SLC26A5: variants seen among roughly 807,000 people sequenced by gnomAD.
The protein encoded by SLC26A5 is solute carrier family 26 member 5.
Under a neutral mutation model 81.0 loss-of-function variants are expected in SLC26A5, and 51 were observed. The ratio of observed to expected loss-of-function variants is 0.63; its 90% confidence interval spans 0.50 to 0.80. SLC26A5 has a LOEUF of 0.80. SLC26A5 is among the 30% of genes least tolerant of loss of function. The pLI is 0.00. For synonymous variants in SLC26A5, 325 were observed against 332.8 expected (o/e 0.98, Z 0.25); for missense variants, 771 against 905.8 (o/e 0.85, Z 1.91).
At chr7:103,409,189 T>TA (rs1450931587) in intron 7 of SLC26A5, among the ~76,000 whole-genome samples, 1 of 152,234 alleles carries the variant, frequency 6.6e-6, no homozygotes, top group African/African-American at 2.4e-5. Flanking sequence ...TGTATGCGAT[T>TA]AATGGTTTAC....
intron 8 of SLC26A5, among the ~76,000 whole-genome samples, chr7:103,405,398 C>T (rs1161601577): frequency 6.6e-6 from 1 of 152,196 alleles, no homozygotes; most frequent in South Asian, 2.1e-4. Flanking sequence ...GATGTTGATG[C>T]TATTCCTTTC....
At chr7:103,371,843 G>A (rs952023297), downstream of SLC26A5, among the ~76,000 whole-genome samples, 12 of 151,392 alleles carry the variant, frequency 7.9e-5, no homozygotes, top group Non-Finnish European at 1.2e-4. Context: ...CTACAGGTGC[G>A]CGCCACCATG....
rs1355851089 is a variant in SLC26A5 at position 103,412,996 on chromosome 7, T to C, written c.403+6A>G. On this transcript the variant is annotated splice_donor_region_variant and intron_variant, in intron 5 of 19. Coordinates refer to ENST00000306312, the MANE Select transcript of SLC26A5 (RefSeq NM_198999.3). ...AGGTAATAGAATATCAAATGTAAGC[T>C]TTTACCTATGGATATGTGTCTGGAG... The C allele has an allele frequency of 1.3e-6, 2 of 1,571,370 alleles. No individual in the cohort carries two copies. Among genetic ancestry groups the C allele is most frequent in the Admixed American group, 3.3e-5 (2 of 59,962 alleles).
chr7:103,422,986 G>A (rs747089685), intron 2 of SLC26A5, among the ~76,000 whole-genome samples: 8 of 140,342 alleles, frequency 5.7e-5, no homozygotes, highest in Non-Finnish European at 8.9e-5. Context: ...TCAAGGCCAG[G>A]CATGGAGGCT....
downstream of SLC26A5, among the ~76,000 whole-genome samples, chr7:103,371,259 C>T (rs1821013404): frequency 6.6e-6 from 1 of 151,904 alleles, no homozygotes; most frequent in Non-Finnish European, 1.5e-5. Context: ...CTATTCAAAA[C>T]AGTTTAAAAG....
chr7:103,434,518 C>T (rs566118049), intron 2 of SLC26A5, among the ~76,000 whole-genome samples: 13 of 152,098 alleles, frequency 8.5e-5, no homozygotes, highest in Non-Finnish European at 1.6e-4. Context: ...AATTTCTTAC[C>T]TTTTATTTTC....
At position 103,376,827 on chromosome 7, in the gene SLC26A5, T is replaced by G; in HGVS notation, c.2022A>C (p.Val674=). ...VKEYGDVGIY[V]YLAGCSAQVV... is the part of the protein sequence containing the mutation. Reference sequence around the variant, plus strand: ...ACTCACCACTGCATCCTGCTAAGTATACATATATACCGACGTCTCCATATT... The same window carrying G: ...ACTCACCACTGCATCCTGCTAAGTAGACATATATACCGACGTCTCCATATT... Residue 674 remains valine (V), a synonymous_variant, in exon 19 of 20, where the codon GTA becomes GTC. Coordinates refer to ENST00000306312, the MANE Select transcript of SLC26A5 (RefSeq NM_198999.3). 1 of 1,605,112 alleles carries G rather than the reference T, an allele frequency of 6.2e-7. No homozygotes were observed. Among genetic ancestry groups the G allele is most frequent in the Non-Finnish European group, 8.5e-7 (1 of 1,172,186 alleles).
intron 18 of SLC26A5, 31 bp from the exon 19 acceptor site, chr7:103,376,893 C>T (rs754319591): frequency 7.0e-7 from 1 of 1,438,244 alleles, no homozygotes; most frequent in Admixed American, 1.7e-5. Context: ...AATTTAGTTT[C>T]TCTTTACTCT....
At chr7:103,393,663 ACCTGGGAAT>A (rs965347910) in intron 9 of SLC26A5, among the ~76,000 whole-genome samples, 1 of 151,898 alleles carries the variant, frequency 6.6e-6, no homozygotes, top group Non-Finnish European at 1.5e-5. Context: ...CTTGGGTGTC[ACCTGGGAAT>A]CTTGTGAATC....
At chr7:103,352,892 A>G (rs760419746) in exon 20 of SLC26A5, 8 of 780,814 alleles carry the variant, frequency 1.0e-5, no homozygotes, top group African/African-American at 8.5e-5. Context: ...CATTTCCCCT[A>G]CGGTCTCCAT....
chr7:103,386,798 T>G (rs1327720103), intron 14 of SLC26A5, among the ~76,000 whole-genome samples: 1 of 152,078 alleles, frequency 6.6e-6, no homozygotes, highest in African/African-American at 2.4e-5. Context: ...TGTGTCACTC[T>G]GTCGCCCAGG....
intron 13 of SLC26A5, 67 bp downstream of exon 13, chr7:103,389,262 A>G: frequency 7.5e-7 from 1 of 1,332,692 alleles, no homozygotes; most frequent in Middle Eastern, 1.8e-4. Flanking sequence ...TCTTTCTCAC[A>G]TTTTTCTTAG....
In SLC26A5 at chr7:103,374,457, G is replaced by C; in HGVS notation, c.2177C>G (p.Ala726Gly). 1 of 1,613,146 alleles carries C rather than the reference G, an allele frequency of 6.2e-7. No individual in the cohort carries two copies. ...CTCCAAGTCCTCCTGGGAAGGGGGA[G>C]CCGAGGCTTCCTGTTCAGCAAGTGC... ...REALAEQEAS[A>G]PPSQEDLEPN... Residue 726 changes from alanine (A) to glycine (G), a missense_variant, in exon 20 of 20, where the codon GCT (alanine) becomes GGT (glycine). Transcript: ENST00000306312.
downstream of SLC26A5, among the ~76,000 whole-genome samples, chr7:103,370,957 C>T (rs777495306): frequency 5.3e-5 from 8 of 152,138 alleles, no homozygotes; most frequent in Non-Finnish European, 1.0e-4. Context: ...ACAATATGAA[C>T]CTGAATTTGA....
chr7:103,424,378 C>T (rs1003676510), intron 2 of SLC26A5, among the ~76,000 whole-genome samples: 3 of 152,182 alleles, frequency 2.0e-5, no homozygotes, highest in East Asian at 1.9e-4. Flanking sequence ...ATATCATACT[C>T]TGAATTCCCA....
In SLC26A5 at chr7:103,380,374, A is replaced by G. The variant is rs755790169; in HGVS notation, c.1584+106T>C. The G allele has an allele frequency of 3.8e-5, 33 of 871,826 alleles. No homozygotes were observed. In the South Asian group the frequency reaches 4.3e-4, roughly 11 times the overall value. 54.0% of individuals were successfully genotyped at this position (871,826 alleles called of 1,614,324 possible). On this transcript the variant is annotated intron_variant, in intron 15 of 19. Transcript: ENST00000306312. ...AAAGCTCAGACTTTTCACTTTGACC[A>G]CTATACCTCCCATCTTACCCCTACT...
At chr7:103,399,402 A>G (rs951346933) in intron 8 of SLC26A5, among the ~76,000 whole-genome samples, 1 of 152,198 alleles carries the variant, frequency 6.6e-6, no homozygotes, top group Non-Finnish European at 1.5e-5. Flanking sequence ...TGTTAGAGAT[A>G]CATTTCGTTT....
At chr7:103,364,088 G>A (rs940654559) in intron 19 of SLC26A5, 19 of 1,534,092 alleles carry the variant, frequency 1.2e-5, no homozygotes, top group Non-Finnish European at 2.7e-6. Flanking sequence ...TTTAGAAGTA[G>A]TCTGATTTTT....
At chr7:103,379,483 C>CAAAA in intron 15 of SLC26A5, 148 bp from the exon 16 acceptor site, 3 of 297,176 alleles carry the variant, frequency 1.0e-5, no homozygotes, top group Non-Finnish European at 1.8e-5. Context: ...ACACACAGAC[C>CAAAA]AAAAAAAAAA....
Sources: allele counts gnomAD v4.1 joint callset (sites outside exome capture counted in the v4.1 genomes callset), GRCh38; gene constraint gnomAD v4.1.1; transcripts MANE v1.5; gene names NCBI Gene and HGNC (gene_info 2026-07-23, HGNC 2026-07-21).